MAGI1: variants seen among roughly 807,000 people sequenced by gnomAD.
MAGI1 encodes membrane associated guanylate kinase, WW and PDZ domain containing 1.
A neutral mutation model predicts 139.9 loss-of-function variants in MAGI1; 58 were observed. That is an observed-to-expected ratio of 0.41 (90% CI 0.34 to 0.52). MAGI1 has a LOEUF of 0.52. Among genes scored for constraint, MAGI1 ranks in the 20% least tolerant of loss-of-function variants. MAGI1 has a pLI of 0.12. For missense variants in MAGI1, 1,874 were observed against 1,901.6 expected, an observed-to-expected ratio of 0.99 and a Z score of 0.27; for synonymous variants, 812 against 737.9, an observed-to-expected ratio of 1.10 and a Z score of -1.63.
At chr3:65,510,919 C>G (rs2077554955) in intron 2 of MAGI1, among the ~76,000 whole-genome samples, 1 of 148,256 alleles carries the variant, frequency 6.7e-6, no homozygotes, top group Non-Finnish European at 1.5e-5. Flanking sequence ...GTCGGGTTAC[C>G]CTCAAAGGGA....
chr3:65,645,968 G>A (rs2085237669), intron 1 of MAGI1, among the ~76,000 whole-genome samples: 1 of 150,570 alleles, frequency 6.6e-6, no homozygotes, highest in South Asian at 2.1e-4. Flanking sequence ...CAACCCACAG[G>A]AAGAATAAAA....
At chr3:65,647,547 A>G (rs550836851) in intron 1 of MAGI1, among the ~76,000 whole-genome samples, 1 of 152,326 alleles carries the variant, frequency 6.6e-6, no homozygotes, top group South Asian at 2.1e-4. Context: ...TGAAAACAAT[A>G]TACACTATGA....
At chr3:66,034,246 T>G (rs1165293266) in intron 1 of MAGI1, among the ~76,000 whole-genome samples, 2 of 145,436 alleles carry the variant, frequency 1.4e-5, no homozygotes, top group East Asian at 4.6e-4. Context: ...CCCAGGTTAC[T>G]ATACTAATGC....
chr3:65,478,940 TG>T (rs2107615564), intron 3 of MAGI1, 142 bp from the exon 4 acceptor site: 1 of 657,862 alleles, frequency 1.5e-6, no homozygotes, highest in East Asian at 2.7e-5. Flanking sequence ...ATTTCTGGAG[TG>T]GGTTAGAAGA....
At chr3:65,672,601 C>T (rs1326828513) in intron 1 of MAGI1, among the ~76,000 whole-genome samples, 2 of 152,052 alleles carry the variant, frequency 1.3e-5, no homozygotes, top group South Asian at 2.1e-4. Context: ...TAAAAGGATA[C>T]TGAATAGAAG....
At chr3:65,572,333 A>G (rs2080996712) in intron 2 of MAGI1, among the ~76,000 whole-genome samples, 1 of 152,176 alleles carries the variant, frequency 6.6e-6, no homozygotes, top group Non-Finnish European at 1.5e-5. Flanking sequence ...TGCCAAGGCT[A>G]AGAGGGCAGT....
At chr3:65,848,657 G>T (rs565968107) in intron 1 of MAGI1, among the ~76,000 whole-genome samples, 2 of 151,688 alleles carry the variant, frequency 1.3e-5, no homozygotes, top group African/African-American at 4.8e-5. Flanking sequence ...TTAATTAAGA[G>T]ATGAAAAACC....
intron 2 of MAGI1, among the ~76,000 whole-genome samples, chr3:65,593,921 T>C (rs1047913348): frequency 3.3e-5 from 5 of 152,180 alleles, no homozygotes; most frequent in Non-Finnish European, 7.3e-5. Context: ...TCAGGTCAGA[T>C]AATCATTTAA....
At chr3:65,936,392 CT>C (rs2063050937) in intron 1 of MAGI1, among the ~76,000 whole-genome samples, 1 of 152,050 alleles carries the variant, frequency 6.6e-6, no homozygotes, top group Non-Finnish European at 1.5e-5. Context: ...AATCCCAGCA[CT>C]TTGGGAGGCT....
chr3:65,430,157 T>C lies in MAGI1; in HGVS notation c.1547-17A>G. On this transcript the variant is annotated splice_polypyrimidine_tract_variant and intron_variant, in intron 11 of 22. Transcript: ENST00000402939. Reference sequence around the variant, plus strand: ...TCACATCCCCTGTAGAAGGCAAGAGTGTGGGGGTTAAGAAAACAGCACCCA... The same window carrying C: ...TCACATCCCCTGTAGAAGGCAAGAGCGTGGGGGTTAAGAAAACAGCACCCA... 4 of 1,605,524 alleles carry C rather than the reference T, an allele frequency of 2.5e-6. No individual in the cohort carries two copies. The highest frequency in any genetic ancestry group is 2.2e-5 in the South Asian group (2 of 90,898).
chr3:65,499,026 A>G (rs1192088625), intron 2 of MAGI1: 2 of 984,042 alleles, frequency 2.0e-6, no homozygotes, highest in Non-Finnish European at 2.4e-6. Flanking sequence ...CTGAAACAGC[A>G]TGACATCTCA....
intron 1 of MAGI1, among the ~76,000 whole-genome samples, chr3:65,723,827 A>T (rs757422336): frequency 6.6e-6 from 1 of 152,222 alleles, no homozygotes; most frequent in Non-Finnish European, 1.5e-5. Context: ...CATCTTAATT[A>T]TATAGGAGGG....
At chr3:65,475,099 T>C (rs1057407952) in intron 4 of MAGI1, among the ~76,000 whole-genome samples, 1 of 152,010 alleles carries the variant, frequency 6.6e-6, no homozygotes, top group Non-Finnish European at 1.5e-5. Flanking sequence ...TATCAGGGAT[T>C]ATTGGGAAAA....
chr3:65,926,999 TA>T (rs2106675686), intron 1 of MAGI1, among the ~76,000 whole-genome samples: 1 of 152,148 alleles, frequency 6.6e-6, no homozygotes, highest in South Asian at 2.1e-4. Flanking sequence ...CTGTCTCAAA[TA>T]AATAAATAAA....
chr3:65,723,842 A>G lies in MAGI1; in HGVS notation c.314-101754T>C, dbSNP rs190499217. Among the ~76,000 whole-genome samples, 43 of 152,356 alleles carry G rather than the reference A, an allele frequency of 2.8e-4. No homozygotes were observed. The East Asian group carries it at 8.3e-3, about 29-fold the overall frequency. On this transcript the variant is annotated intron_variant, in intron 1 of 22. Coordinates refer to ENST00000402939, the MANE Select transcript of MAGI1 (RefSeq NM_001033057.2). Reference sequence around the variant, plus strand: ...CATCTTAATTATATAGGAGGGTCTCATTAGAGCCTCAAGTATTTAATCTTT... The same window carrying G: ...CATCTTAATTATATAGGAGGGTCTCGTTAGAGCCTCAAGTATTTAATCTTT...
chr3:65,733,262 G>A (rs1427088458), intron 1 of MAGI1, among the ~76,000 whole-genome samples: 2 of 152,132 alleles, frequency 1.3e-5, no homozygotes, highest in African/African-American at 4.8e-5. Flanking sequence ...ATTTCACCAT[G>A]TTAGCCAGGC....
chr3:65,522,195 A>G (rs1187352431), intron 2 of MAGI1, among the ~76,000 whole-genome samples: 2 of 152,200 alleles, frequency 1.3e-5, no homozygotes, highest in Admixed American at 1.3e-4. Context: ...GTTCAACCCA[A>G]TTAAAAAGAA....
At chr3:65,606,276 T>G (rs966056767) in intron 2 of MAGI1, among the ~76,000 whole-genome samples, 1 of 152,202 alleles carries the variant, frequency 6.6e-6, no homozygotes, top group Non-Finnish European at 1.5e-5. Flanking sequence ...CAGCAACCAC[T>G]GCACCGTGCC....
At chr3:65,691,197 G>A (rs2088604141) in intron 1 of MAGI1, among the ~76,000 whole-genome samples, 1 of 151,870 alleles carries the variant, frequency 6.6e-6, no homozygotes, top group Non-Finnish European at 1.5e-5. Context: ...CAGCTACATG[G>A]GAGGCTGAGG....
Sources: gnomAD v4.1 joint callset for allele counts (sites outside exome capture counted in the v4.1 genomes callset) on GRCh38, gnomAD v4.1.1 for gene constraint, MANE v1.5 for transcripts, NCBI Gene and HGNC (gene_info 2026-07-23, HGNC 2026-07-21) for gene names.